Variants in LHCGR observed in about 807,000 individuals in gnomAD.
LHCGR encodes lutropin-choriogonadotropic hormone receptor.
Under a neutral mutation model 60.7 loss-of-function variants are expected in LHCGR, and 55 were observed. That is an observed-to-expected ratio of 0.91 (90% CI 0.73 to 1.13). LHCGR has a LOEUF of 1.13. Ranked by LOEUF, LHCGR falls within the 50% of genes most tolerant of loss-of-function variation. LHCGR has a pLI of 0.00. For synonymous variants in LHCGR, 337 were observed against 316.5 expected (o/e 1.06, Z -0.69); for missense variants, 862 against 836.0 (o/e 1.03, Z -0.38).
At chr2:48,727,230 G>A (rs75280684) in intron 3 of LHCGR, among the ~76,000 whole-genome samples, 5,700 of 151,718 alleles carry the variant, frequency 0.038, 181 homozygotes, top group Non-Finnish European at 0.056. Flanking sequence ...ATTTGAGGTC[G>A]GTCTGGGCAA....
At chr2:48,718,822 T>A (rs1045504305) in intron 6 of LHCGR, among the ~76,000 whole-genome samples, 17 of 152,210 alleles carry the variant, frequency 1.1e-4, no homozygotes, top group African/African-American at 3.6e-4. Flanking sequence ...GCTGTAACTC[T>A]AGTTATGAAT....
chr2:48,689,684 C>G (rs1680111440), intron 10 of LHCGR, among the ~76,000 whole-genome samples: 1 of 152,110 alleles, frequency 6.6e-6, no homozygotes, highest in African/African-American at 2.4e-5. Context: ...TCCAACCCCA[C>G]TGATACTTCC....
intron 1 of LHCGR, among the ~76,000 whole-genome samples, chr2:48,742,019 A>G (rs1268024879): frequency 6.6e-6 from 1 of 152,182 alleles, no homozygotes; most frequent in African/African-American, 2.4e-5. Flanking sequence ...AATGGAAAAC[A>G]AAAAAAGGCA....
At chr2:48,694,952 A>G (rs1333395013) in intron 9 of LHCGR, among the ~76,000 whole-genome samples, 1 of 152,118 alleles carries the variant, frequency 6.6e-6, no homozygotes, top group African/African-American at 2.4e-5. Context: ...GAAATAGGGT[A>G]TAAGCATTCC....
chr2:48,749,962 G>A (rs767840660), intron 1 of LHCGR, among the ~76,000 whole-genome samples: 1 of 152,208 alleles, frequency 6.6e-6, no homozygotes, highest in African/African-American at 2.4e-5. Flanking sequence ...AGGAGTCTGT[G>A]TATCAGCAAG....
intron 1 of LHCGR, among the ~76,000 whole-genome samples, chr2:48,748,182 A>G (rs967306455): frequency 2.0e-5 from 3 of 152,196 alleles, no homozygotes; most frequent in Non-Finnish European, 4.4e-5. Context: ...TCATTTGAGA[A>G]GAGGATACCT....
intron 1 of LHCGR, among the ~76,000 whole-genome samples, chr2:48,731,790 TGGAGA>T (rs1669005218): frequency 6.6e-6 from 1 of 151,954 alleles, no homozygotes; most frequent in East Asian, 1.9e-4. Context: ...TTGAGTAGAG[TGGAGA>T]CATTAATGAT....
chr2:48,705,045 CT>C lies in LHCGR; in HGVS notation c.680+3902del, dbSNP rs1171659214. 3.9e-5 allele frequency among the ~76,000 whole-genome samples: 6 copies of C among 152,312 alleles called. No individual in the cohort carries two copies. In the East Asian group the frequency reaches 9.6e-4, roughly 24 times the overall value. On this transcript the variant is annotated intron_variant, in intron 8 of 10. Transcript: ENST00000294954. ...GGCATTTAGTGCTATAAATTTCCCT[CT>C]ACATACTGCTTTAAATGTGTCCCAG...
At chr2:48,755,471 C>T (rs1246423642) in intron 1 of LHCGR, 40 bp downstream of exon 1, 2 of 1,320,702 alleles carry the variant, frequency 1.5e-6, no homozygotes, top group Non-Finnish European at 2.1e-6. Context: ...ATGGAGGGTC[C>T]TGCATCAAGG....
At chr2:48,697,252 C>T (rs1365483741) in intron 9 of LHCGR, among the ~76,000 whole-genome samples, 1 of 152,200 alleles carries the variant, frequency 6.6e-6, no homozygotes, top group Non-Finnish European at 1.5e-5. Flanking sequence ...CTTCAAGACT[C>T]AGCATAAATC....
chr2:48,740,024 C>G (rs867200629), intron 1 of LHCGR, among the ~76,000 whole-genome samples: 13 of 152,322 alleles, frequency 8.5e-5, no homozygotes, highest in Middle Eastern at 3.4e-3. Flanking sequence ...CATCACCTCA[C>G]TCGGGAAGCG....
chr2:48,711,320 G>C (rs1354676750), intron 7 of LHCGR, among the ~76,000 whole-genome samples: 1 of 151,926 alleles, frequency 6.6e-6, no homozygotes, highest in South Asian at 2.1e-4. Context: ...TTTTTTGTCT[G>C]TCTTTTCTGA....
chr2:48,691,174 T>C (rs1011582760), intron 10 of LHCGR, among the ~76,000 whole-genome samples: 1 of 152,236 alleles, frequency 6.6e-6, no homozygotes, highest in African/African-American at 2.4e-5. Context: ...TTCCTACATA[T>C]TATTAAAAGC....
intron 1 of LHCGR, among the ~76,000 whole-genome samples, chr2:48,751,551 C>T (rs1669956545): frequency 6.6e-6 from 1 of 152,168 alleles, no homozygotes; most frequent in Non-Finnish European, 1.5e-5. Context: ...TTTCTCTCTA[C>T]ACCTATACCA....
rs146292243 is a variant in LHCGR at position 48,754,887 on chromosome 2, G to A, written c.161+624C>T. 2.8e-3 allele frequency among the ~76,000 whole-genome samples: 425 copies of A among 152,264 alleles called. 2 individuals carry two copies. The highest frequency in any genetic ancestry group is 9.8e-3 in the African/African-American group (409 of 41,544). ...CAATCCCTCAATCAGGCCTGTGAGT[G>A]TGGAGGTGGTGCGCGGGTGCCAGCG... On this transcript the variant is annotated intron_variant, in intron 1 of 10. Coordinates refer to ENST00000294954, the MANE Select transcript of LHCGR (RefSeq NM_000233.4).
At chr2:48,706,979 T>A (rs958304108) in intron 8 of LHCGR, among the ~76,000 whole-genome samples, 3 of 152,194 alleles carry the variant, frequency 2.0e-5, no homozygotes, top group Admixed American at 2.0e-4. Flanking sequence ...ATGTTCTGGT[T>A]TTTGGAATTT....
At chr2:48,721,043 AG>A (rs770220584) in intron 6 of LHCGR, 6 of 152,364 alleles carry the variant, frequency 3.9e-5, no homozygotes, top group Non-Finnish European at 5.9e-5. Context: ...GACTTCTCTA[AG>A]ATCTTATTTC....
At chr2:48,723,784 G>A (rs1668602891) in intron 4 of LHCGR, 88 bp from the exon 5 acceptor site, 1 of 994,734 alleles carries the variant, frequency 1.0e-6, no homozygotes, top group Non-Finnish European at 1.6e-6. Flanking sequence ...AGAGTACAAA[G>A]GCATTTTGCA....
At chr2:48,712,931 T>C (rs1273019394) in intron 7 of LHCGR, among the ~76,000 whole-genome samples, 1 of 152,130 alleles carries the variant, frequency 6.6e-6, no homozygotes, top group Non-Finnish European at 1.5e-5. Context: ...ATAGCACATA[T>C]CAATATAATA....
Sources: allele counts gnomAD v4.1 joint callset (sites outside exome capture counted in the v4.1 genomes callset), GRCh38; gene constraint gnomAD v4.1.1; transcripts MANE v1.5; gene names NCBI Gene and HGNC (gene_info 2026-07-23, HGNC 2026-07-21).